Variants in CCDC172 observed in about 807,000 individuals in gnomAD.
CCDC172 encodes the protein coiled-coil domain-containing protein 172.
A neutral mutation model predicts 38.0 loss-of-function variants in CCDC172; 30 were observed. The observed-to-expected ratio is 0.79, with a 90% CI of 0.59 to 1.07. The LOEUF (loss-of-function observed/expected upper bound fraction) is 1.07. Ranked by LOEUF, CCDC172 falls within the 50% of genes least tolerant of loss-of-function variation. CCDC172 has a pLI of 0.00. For missense variants in CCDC172, 297 were observed against 290.1 expected (o/e 1.02, Z -0.17); for synonymous variants, 78 against 88.3 (o/e 0.88, Z 0.66).
intron 3 of CCDC172, among the ~76,000 whole-genome samples, chr10:116,336,644 A>T (rs1844737477): frequency 6.6e-6 from 1 of 151,988 alleles, no homozygotes; most frequent in East Asian, 1.9e-4. Context: ...CCCAATTGTT[A>T]TGGTTTTAGG....
At chr10:116,338,502 T>A (rs1468679753) in intron 3 of CCDC172, among the ~76,000 whole-genome samples, 1 of 152,072 alleles carries the variant, frequency 6.6e-6, no homozygotes, top group East Asian at 1.9e-4. Context: ...ACATAAAATT[T>A]TAGGGAAGAG....
At chr10:116,347,417 CA>C (rs933725836) in intron 5 of CCDC172, among the ~76,000 whole-genome samples, 3 of 152,060 alleles carry the variant, frequency 2.0e-5, no homozygotes, top group African/African-American at 7.2e-5. Context: ...AGGTAATAAG[CA>C]GGGCAAAAGC....
At chr10:116,348,666 CT>C (rs961069528) in intron 5 of CCDC172, among the ~76,000 whole-genome samples, 33 of 152,006 alleles carry the variant, frequency 2.2e-4, no homozygotes, top group African/African-American at 7.7e-4. Context: ...AGGTTATGTT[CT>C]GTTTAAATAT....
chr10:116,334,186 G>A (rs1844701524), intron 3 of CCDC172, among the ~76,000 whole-genome samples: 1 of 152,192 alleles, frequency 6.6e-6, no homozygotes. Flanking sequence ...TTCGTTCTGA[G>A]CTCCCGCTCC....
intron 3 of CCDC172, among the ~76,000 whole-genome samples, chr10:116,336,597 G>A (rs1844737153): frequency 1.3e-5 from 2 of 151,878 alleles, no homozygotes; most frequent in Middle Eastern, 3.4e-3. Flanking sequence ...TATTTAGAAT[G>A]TCTTTTATCA....
At chr10:116,379,229 G>A (rs1845283586) in intron 8 of CCDC172, 94 bp from the exon 9 acceptor site, 2 of 627,694 alleles carry the variant, frequency 3.2e-6, no homozygotes, top group Admixed American at 7.2e-5. Flanking sequence ...GAAATGCCCA[G>A]AATTTATTGT....
At chr10:116,371,058 A>G (rs1673844522) in intron 7 of CCDC172, among the ~76,000 whole-genome samples, 2 of 151,802 alleles carry the variant, frequency 1.3e-5, no homozygotes, top group Admixed American at 6.6e-5. Context: ...ACTAATTTTA[A>G]TGGCTAGTTC....
At chr10:116,350,210 C>T (rs1322965978) in intron 5 of CCDC172, among the ~76,000 whole-genome samples, 1 of 152,088 alleles carries the variant, frequency 6.6e-6, no homozygotes, top group Non-Finnish European at 1.5e-5. Context: ...CGAAGGGTCT[C>T]ACATTTGAAT....
intron 5 of CCDC172, among the ~76,000 whole-genome samples, chr10:116,349,921 C>T (rs146309935): frequency 0.012 from 1,778 of 152,020 alleles, 17 homozygotes; most frequent in Non-Finnish European, 0.019. Flanking sequence ...ATTAATAAGG[C>T]GAGTTTTGAA....
chr10:116,348,265 C>T (rs561395921), intron 5 of CCDC172, among the ~76,000 whole-genome samples: 1 of 152,188 alleles, frequency 6.6e-6, no homozygotes, highest in Admixed American at 6.5e-5. Flanking sequence ...AGCAGTTTAG[C>T]TTCCATTTGT....
chr10:116,356,388 G>GAGGAAGGAAGGAAGGA (rs542807297), intron 5 of CCDC172, among the ~76,000 whole-genome samples: 7,285 of 144,006 alleles, frequency 0.051, 346 homozygotes, highest in East Asian at 0.2. Flanking sequence ...GGGAGGGAGG[G>GAGGAAGGAAGGAAGGA]AGGAAGGAAG....
At chr10:116,351,058 C>T (rs1178690738) in intron 5 of CCDC172, among the ~76,000 whole-genome samples, 1 of 151,710 alleles carries the variant, frequency 6.6e-6, no homozygotes, top group Non-Finnish European at 1.5e-5. Flanking sequence ...TTAGACTTAC[C>T]TTTTTCATTT....
At chr10:116,348,271 T>C (rs1235494446) in intron 5 of CCDC172, among the ~76,000 whole-genome samples, 3 of 152,094 alleles carry the variant, frequency 2.0e-5, no homozygotes, top group Non-Finnish European at 4.4e-5. Context: ...TTAGCTTCCA[T>C]TTGTCTTCTT....
rs923185503 is a variant in CCDC172 at position 116,325,389 on chromosome 10, G to A, written c.165+1G>A. 3 of 1,609,496 alleles carry A rather than the reference G, an allele frequency of 1.9e-6. No homozygotes were observed. The highest frequency in any genetic ancestry group is 2.2e-5 in the East Asian group (1 of 44,854). On this transcript the variant is annotated splice_donor_variant, in intron 3 of 8. Transcript: ENST00000333254. LOFTEE classifies it high-confidence loss of function. The stretch of plus-strand genomic sequence containing the variant: ...AGAGAAAATCAAGCTGGAATCTAAG[G>A]TATTGAAATGTAAAGCATACTAATT...
chr10:116,366,507 G>A, intron 7 of CCDC172, among the ~76,000 whole-genome samples: 1 of 152,080 alleles, frequency 6.6e-6, no homozygotes, highest in East Asian at 1.9e-4. Context: ...TATACTATCT[G>A]GGATTTGTAT....
Position 116,357,920 on chromosome 10 carries a change from A to C in CCDC172, c.635A>C (p.Asn212Thr), listed in dbSNP as rs1275616166. 2 of 1,570,110 alleles carry C rather than the reference A, an allele frequency of 1.3e-6. No homozygotes were observed. The highest frequency in any genetic ancestry group is 3.7e-5 in the Admixed American group (2 of 54,398). The change falls in exon 7 of 9, where the codon AAT (asparagine) becomes ACT (threonine). Residue 212 changes from asparagine (N) to threonine (T), a missense_variant. Physicochemically the swap from Asn to Thr is moderately conservative, Grantham distance 65. Transcript: ENST00000333254. ...EKIKISEKPQ[N>T]DTECLRLKKE... Reference sequence around the variant, plus strand: ...ATAAAAATCAGTGAAAAGCCTCAAAATGATACAGAATGCTTAAGGTAAGAG... The same window carrying C: ...ATAAAAATCAGTGAAAAGCCTCAAACTGATACAGAATGCTTAAGGTAAGAG...
intron 7 of CCDC172, among the ~76,000 whole-genome samples, chr10:116,371,808 A>C (rs1007557873): frequency 1.3e-5 from 2 of 152,136 alleles, no homozygotes; most frequent in Non-Finnish European, 2.9e-5. Flanking sequence ...CACTGGAAAG[A>C]CAAAAAGAAC....
At chr10:116,359,266 A>G (rs1419945721) in intron 7 of CCDC172, among the ~76,000 whole-genome samples, 3 of 152,210 alleles carry the variant, frequency 2.0e-5, no homozygotes, top group African/African-American at 7.2e-5. Flanking sequence ...TCAAAAAACA[A>G]TAAGACATTG....
At chr10:116,356,630 A>T (rs552732497) in intron 5 of CCDC172, among the ~76,000 whole-genome samples, 1 of 152,336 alleles carries the variant, frequency 6.6e-6, no homozygotes, top group African/African-American at 2.4e-5. Flanking sequence ...GAAGAGAAAG[A>T]ATATTTGAAA....
Sources: gnomAD v4.1 joint callset for allele counts (sites outside exome capture counted in the v4.1 genomes callset) on GRCh38, gnomAD v4.1.1 for gene constraint, MANE v1.5 for transcripts, NCBI Gene and HGNC (gene_info 2026-07-23, HGNC 2026-07-21) for gene names.